ROBO1: variants seen among roughly 807,000 people sequenced by gnomAD.
ROBO1 encodes the protein roundabout guidance receptor 1, also known as roundabout homolog 1.
In ROBO1, 149 loss-of-function variants were observed where a neutral mutation model predicts 195.9. The ratio of observed to expected loss-of-function variants is 0.76; its 90% CI spans 0.67 to 0.87. The LOEUF is 0.87. ROBO1 is among the 40% of genes least tolerant of loss of function. ROBO1 has a pLI of 0.00. For missense variants in ROBO1, 1,933 were observed against 2,068.3 expected (o/e 0.93, Z 1.27); for synonymous variants, 816 against 733.2 (o/e 1.11, Z -1.82).
intron 2 of ROBO1, among the ~76,000 whole-genome samples, chr3:79,488,782 G>A (rs1055477217): frequency 5.3e-5 from 8 of 152,076 alleles, no homozygotes; most frequent in Non-Finnish European, 1.0e-4. Context: ...AAAACCTGGC[G>A]CCATGTACTT....
At chr3:79,667,793 T>C (rs1946516394) in intron 1 of ROBO1, among the ~76,000 whole-genome samples, 1 of 151,808 alleles carries the variant, frequency 6.6e-6, no homozygotes, top group South Asian at 2.1e-4. Flanking sequence ...TTGTTCCTTA[T>C]ATTAAAATAA....
chr3:78,882,003 A>T (rs1023339504), intron 4 of ROBO1, among the ~76,000 whole-genome samples: 4 of 152,150 alleles, frequency 2.6e-5, no homozygotes, highest in Non-Finnish European at 5.9e-5. Context: ...ATGTCATTAG[A>T]TGTGATGTTT....
intron 4 of ROBO1, among the ~76,000 whole-genome samples, chr3:78,898,255 A>T (rs762756798): frequency 6.6e-6 from 1 of 150,570 alleles, no homozygotes; most frequent in Non-Finnish European, 1.5e-5. Context: ...AGCCCTTTAG[A>T]GATGTGTTTT....
At chr3:78,667,547 A>G (rs981119832) in intron 14 of ROBO1, among the ~76,000 whole-genome samples, 30 of 150,432 alleles carry the variant, frequency 2.0e-4, no homozygotes, top group African/African-American at 6.6e-4. Flanking sequence ...AACCATCCCC[A>G]CCCTCCCCAC....
chr3:79,601,408 AG>A (rs1944335583), intron 1 of ROBO1, among the ~76,000 whole-genome samples: 2 of 152,040 alleles, frequency 1.3e-5, no homozygotes, highest in Admixed American at 1.3e-4. Context: ...GAGCAAATGA[AG>A]TTTTTGGCCA....
chr3:78,868,474 C>G (rs1343642666), intron 4 of ROBO1, among the ~76,000 whole-genome samples: 2 of 152,048 alleles, frequency 1.3e-5, no homozygotes, highest in East Asian at 3.9e-4. Flanking sequence ...ATGTTATTGT[C>G]TTTTCTTTAA....
intron 2 of ROBO1, among the ~76,000 whole-genome samples, chr3:79,527,501 A>G (rs1471205216): frequency 6.6e-6 from 1 of 152,136 alleles, no homozygotes; most frequent in Non-Finnish European, 1.5e-5. Context: ...AATATTCTCT[A>G]TACAGTGTCA....
At chr3:79,559,510 G>A (rs555951599) in intron 2 of ROBO1, among the ~76,000 whole-genome samples, 1 of 152,280 alleles carries the variant, frequency 6.6e-6, no homozygotes, top group Admixed American at 6.5e-5. Flanking sequence ...ACTCAGAGGT[G>A]GAAACACTTG....
chr3:79,322,010 TA>T (rs1248771306), intron 2 of ROBO1, among the ~76,000 whole-genome samples: 2 of 152,154 alleles, frequency 1.3e-5, no homozygotes, highest in Non-Finnish European at 2.9e-5. Context: ...CTTCCATTTT[TA>T]AAAGGTCCTA....
chr3:79,562,929 GAC>G (rs1157681920), intron 2 of ROBO1, among the ~76,000 whole-genome samples: 5 of 151,884 alleles, frequency 3.3e-5, no homozygotes, highest in Admixed American at 3.3e-4. Flanking sequence ...ATGAACTAAA[GAC>G]ACTTTGACAT....
intron 4 of ROBO1, among the ~76,000 whole-genome samples, chr3:78,929,875 A>G (rs1391173543): frequency 6.6e-6 from 1 of 152,102 alleles, no homozygotes; most frequent in Admixed American, 6.5e-5. Context: ...TCATTAGGGT[A>G]AGAAACACAG....
intron 2 of ROBO1, among the ~76,000 whole-genome samples, chr3:79,397,086 A>G (rs1371515858): frequency 1.3e-5 from 2 of 152,060 alleles, no homozygotes; most frequent in Non-Finnish European, 2.9e-5. Flanking sequence ...TACTCTTTGA[A>G]TAATAGACTA....
intron 4 of ROBO1, among the ~76,000 whole-genome samples, chr3:78,883,412 C>T (rs2036304625): frequency 6.6e-6 from 1 of 152,088 alleles, no homozygotes; most frequent in Non-Finnish European, 1.5e-5. Context: ...AACAGGCTCT[C>T]ACTCTGTTGC....
At chr3:78,821,772 A>G (rs1433744199) in intron 4 of ROBO1, among the ~76,000 whole-genome samples, 6 of 152,130 alleles carry the variant, frequency 3.9e-5, no homozygotes, top group East Asian at 1.9e-4. Context: ...ACATAATTCA[A>G]TTCCTTTCAA....
chr3:78,698,897 C>G (rs2081358524), intron 8 of ROBO1, among the ~76,000 whole-genome samples: 1 of 152,154 alleles, frequency 6.6e-6, no homozygotes, highest in African/African-American at 2.4e-5. Context: ...AAGCAGTTAA[C>G]AAACGTTGGT....
intron 3 of ROBO1, among the ~76,000 whole-genome samples, chr3:79,050,877 ACATAC>A (rs1276958956): frequency 6.6e-6 from 1 of 152,204 alleles, no homozygotes; most frequent in Non-Finnish European, 1.5e-5. Flanking sequence ...CAAAGACACA[ACATAC>A]CAGAATCTCA....
At chr3:79,046,208 G>A (rs1269853913) in intron 3 of ROBO1, among the ~76,000 whole-genome samples, 1 of 152,136 alleles carries the variant, frequency 6.6e-6, no homozygotes, top group Non-Finnish European at 1.5e-5. Flanking sequence ...CATGTTGGGA[G>A]CTGCTCTATG....
intron 9 of ROBO1, 31 bp from the exon 10 acceptor site, chr3:78,685,948 T>TA (rs2081041554): frequency 2.7e-6 from 4 of 1,501,476 alleles, no homozygotes; most frequent in Middle Eastern, 1.7e-4. Flanking sequence ...TGGAGGAAAA[T>TA]AAAAATAGGT....
chr3:79,468,106 G>T (rs1190718853), intron 2 of ROBO1, among the ~76,000 whole-genome samples: 1 of 152,150 alleles, frequency 6.6e-6, no homozygotes. Context: ...AGAAAGACAG[G>T]CTAGACTCAC....
Sources: gnomAD v4.1 joint callset for allele counts (sites outside exome capture counted in the v4.1 genomes callset) on GRCh38, gnomAD v4.1.1 for gene constraint, MANE v1.5 for transcripts, NCBI Gene and HGNC (gene_info 2026-07-23, HGNC 2026-07-21) for gene names.